BNC2: variants seen among roughly 807,000 people sequenced by gnomAD.
BNC2 encodes basonuclin zinc finger protein 2, also known as zinc finger protein basonuclin-2.
BNC2 carries 20 observed loss-of-function variants against 76.3 expected under a neutral mutation model. The observed-to-expected ratio is 0.26, with a 90% CI of 0.18 to 0.38. The LOEUF (loss-of-function observed/expected upper bound fraction) is 0.38, where lower values mean the gene tolerates loss of function less well. Ranked by LOEUF, BNC2 falls within the 10% of genes least tolerant of loss-of-function variation. The pLI is 1.00. For synonymous variants in BNC2, 582 were observed against 514.8 expected (o/e 1.13, Z -1.77); for missense variants, 1,382 against 1,399.8 (o/e 0.99, Z 0.20).
At chr9:16,870,036 T>C (rs1819638054) in intron 1 of BNC2, among the ~76,000 whole-genome samples, 1 of 152,080 alleles carries the variant, frequency 6.6e-6, no homozygotes, top group African/African-American at 2.4e-5. Context: ...TTCTGCACCT[T>C]CTCCGTAAAG....
intron 3 of BNC2, among the ~76,000 whole-genome samples, chr9:16,585,314 T>C (rs1375817129): frequency 1.3e-5 from 2 of 152,174 alleles, no homozygotes; most frequent in Non-Finnish European, 2.9e-5. Context: ...ACTTTACACA[T>C]TTGGTACATT....
At chr9:16,460,452 G>A (rs1358858647) in intron 5 of BNC2, among the ~76,000 whole-genome samples, 4 of 151,986 alleles carry the variant, frequency 2.6e-5, no homozygotes, top group South Asian at 2.1e-4. Flanking sequence ...GTGAAACCCC[G>A]TCTCTACTAA....
At chr9:16,811,981 C>G (rs776379004) in intron 1 of BNC2, among the ~76,000 whole-genome samples, 3 of 152,226 alleles carry the variant, frequency 2.0e-5, no homozygotes, top group Non-Finnish European at 4.4e-5. Flanking sequence ...GAAGTCATCT[C>G]TGAGTGCTAC....
In BNC2 at chr9:16,534,526, CTTAAT is replaced by C. The variant is rs777500593; in HGVS notation, c.669+17999_669+18003del. 2.3e-4 allele frequency among the ~76,000 whole-genome samples: 35 copies of C among 152,088 alleles called. 1 individual carries two copies. Among genetic ancestry groups the C allele is most frequent in the Non-Finnish European group, 4.4e-5 (3 of 67,980 alleles). On this transcript the variant is annotated intron_variant, in intron 5 of 6. Coordinates refer to ENST00000380672, the MANE Select transcript of BNC2 (RefSeq NM_017637.6). ...TACTTAATAGTTTATGTACCCTGAT[CTTAAT>C]TTAAATTATAAATTGCATGTTTGTC...
intron 5 of BNC2, among the ~76,000 whole-genome samples, chr9:16,480,579 G>A (rs936642212): frequency 1.3e-5 from 2 of 152,214 alleles, no homozygotes; most frequent in Non-Finnish European, 2.9e-5. Flanking sequence ...GGTGGGCGTG[G>A]GCTTGGCGGG....
chr9:16,645,093 A>C (rs1431883239), intron 3 of BNC2, among the ~76,000 whole-genome samples: 2 of 152,190 alleles, frequency 1.3e-5, no homozygotes, highest in Non-Finnish European at 2.9e-5. Flanking sequence ...TAACACATAC[A>C]AGAATTTCTC....
intron 3 of BNC2, among the ~76,000 whole-genome samples, chr9:16,612,871 T>A (rs373746758): frequency 6.6e-6 from 1 of 152,156 alleles, no homozygotes; most frequent in African/African-American, 2.4e-5. Context: ...TCAGAGACCA[T>A]GTCTTGTTTT....
chr9:16,843,344 G>C (rs112076753), intron 1 of BNC2, among the ~76,000 whole-genome samples: 1 of 152,100 alleles, frequency 6.6e-6, no homozygotes, highest in Non-Finnish European at 1.5e-5. Flanking sequence ...CCTTTTTTGT[G>C]TGTGAGACGG....
chr9:16,600,441 C>T (rs1820214378), intron 3 of BNC2, among the ~76,000 whole-genome samples: 1 of 152,130 alleles, frequency 6.6e-6, no homozygotes, highest in East Asian at 1.9e-4. Flanking sequence ...AAAAGTAAAG[C>T]AGACGTAGTA....
chr9:16,430,346 G>A (rs1179961188), intron 6 of BNC2, among the ~76,000 whole-genome samples: 1 of 152,154 alleles, frequency 6.6e-6, no homozygotes, highest in Admixed American at 6.5e-5. Flanking sequence ...TTTACTTGGA[G>A]GGGATTACCA....
At chr9:16,858,727 TC>T (rs151195704) in intron 1 of BNC2, among the ~76,000 whole-genome samples, 45,180 of 151,490 alleles carry the variant, frequency 0.3, 9,257 homozygotes, top group Non-Finnish European at 0.45. Context: ...GTGCCTGTAG[TC>T]CCAGCTACTC....
At chr9:16,854,068 C>T (rs759193034) in intron 1 of BNC2, among the ~76,000 whole-genome samples, 6 of 152,142 alleles carry the variant, frequency 3.9e-5, no homozygotes, top group Non-Finnish European at 8.8e-5. Flanking sequence ...GCTCCCTGGA[C>T]CACCAACTTC....
intron 1 of BNC2, among the ~76,000 whole-genome samples, chr9:16,854,009 G>A (rs1819193056): frequency 6.6e-6 from 1 of 152,172 alleles, no homozygotes; most frequent in South Asian, 2.1e-4. Flanking sequence ...TCATAGACAT[G>A]GGACTTCTAA....
At chr9:16,544,807 C>T (rs1818427158) in intron 5 of BNC2, among the ~76,000 whole-genome samples, 1 of 141,950 alleles carries the variant, frequency 7.0e-6, no homozygotes. Context: ...GAGACTCCAC[C>T]TCAAAAAAAA....
At chr9:16,792,931 CCTCTCTAAATATAATCTA>C (rs1817553433) in intron 1 of BNC2, among the ~76,000 whole-genome samples, 1 of 152,178 alleles carries the variant, frequency 6.6e-6, no homozygotes, top group African/African-American at 2.4e-5. Flanking sequence ...TAAGTGGATT[CCTCTCTAAATATAATCTA>C]CTCATAAGGA....
At chr9:16,563,341 G>A (rs1355097979) in intron 4 of BNC2, among the ~76,000 whole-genome samples, 6 of 152,046 alleles carry the variant, frequency 3.9e-5, no homozygotes, top group African/African-American at 1.4e-4. Flanking sequence ...TTATAGGGCA[G>A]GACTTGGTCG....
chr9:16,533,079 T>A (rs1563828277), intron 5 of BNC2, among the ~76,000 whole-genome samples: 1 of 152,228 alleles, frequency 6.6e-6, no homozygotes, highest in Non-Finnish European at 1.5e-5. Flanking sequence ...TAATCCCATC[T>A]GTACCCTTGT....
At chr9:16,586,030 C>A (rs1047543173) in intron 3 of BNC2, among the ~76,000 whole-genome samples, 1 of 152,136 alleles carries the variant, frequency 6.6e-6, no homozygotes, top group Non-Finnish European at 1.5e-5. Flanking sequence ...CAGGACCCAG[C>A]CTAACAAGGG....
intron 1 of BNC2, among the ~76,000 whole-genome samples, chr9:16,740,954 C>T (rs1377614362): frequency 6.6e-6 from 1 of 151,964 alleles, no homozygotes; most frequent in African/African-American, 2.4e-5. Flanking sequence ...TGTTAGAAAA[C>T]CAATTTATTA....
Sources: gnomAD v4.1 joint callset for allele counts (sites outside exome capture counted in the v4.1 genomes callset) on GRCh38, gnomAD v4.1.1 for gene constraint, MANE v1.5 for transcripts, NCBI Gene and HGNC (gene_info 2026-07-23, HGNC 2026-07-21) for gene names.